Variants in LINGO2 observed in about 807,000 individuals in gnomAD.
The protein encoded by LINGO2 is leucine rich repeat and Ig domain containing 2, also known as leucine-rich repeat and immunoglobulin-like domain-containing nogo receptor-interacting protein 2.
Under a neutral mutation model 30.6 loss-of-function variants are expected in LINGO2, and 14 were observed. The ratio of observed to expected loss-of-function variants is 0.46; its 90% CI spans 0.30 to 0.72. LINGO2 has a LOEUF of 0.72. Ranked by LOEUF, LINGO2 falls within the 30% of genes least tolerant of loss-of-function variation. The pLI is 0.07. For synonymous variants in LINGO2, 317 were observed against 288.5 expected, an observed-to-expected ratio of 1.10 and a Z score of -1.00; for missense variants, 729 against 751.7, an observed-to-expected ratio of 0.97 and a Z score of 0.35.
intron 4 of LINGO2, among the ~76,000 whole-genome samples, chr9:28,100,938 T>C (rs1433637468): frequency 6.6e-6 from 1 of 152,092 alleles, no homozygotes; most frequent in Non-Finnish European, 1.5e-5. Flanking sequence ...TAGAGGGTCA[T>C]TGCATCGGTC....
At chr9:28,595,169 A>T (rs113354438) in intron 1 of LINGO2, among the ~76,000 whole-genome samples, 193 of 152,240 alleles carry the variant, frequency 1.3e-3, no homozygotes, top group Admixed American at 6.3e-3. Flanking sequence ...ATAGGTGAGA[A>T]AAAACCCCTT....
chr9:28,162,368 G>C (rs1284092704), intron 4 of LINGO2, among the ~76,000 whole-genome samples: 1 of 152,126 alleles, frequency 6.6e-6, no homozygotes, highest in Non-Finnish European at 1.5e-5. Flanking sequence ...AAAGAAGATA[G>C]TTTTTCATGT....
the LINGO2 span, among the ~76,000 whole-genome samples, chr9:28,774,586 T>A: frequency 6.9e-6 from 1 of 144,600 alleles, no homozygotes; most frequent in African/African-American, 2.6e-5. Context: ...TTGTCAGCTC[T>A]GAACTTAAAA....
intron 4 of LINGO2, among the ~76,000 whole-genome samples, chr9:28,043,603 A>C (rs901605376): frequency 2.0e-5 from 3 of 152,190 alleles, no homozygotes; most frequent in African/African-American, 4.8e-5. Context: ...TTCTTTATGG[A>C]AAGTTTCAAA....
intron 4 of LINGO2, among the ~76,000 whole-genome samples, chr9:28,163,865 A>G (rs1342798019): frequency 6.6e-6 from 1 of 152,158 alleles, no homozygotes; most frequent in Non-Finnish European, 1.5e-5. Context: ...AATTGTTCAA[A>G]TGATTTAACT....
the LINGO2 span, among the ~76,000 whole-genome samples, chr9:28,750,507 A>G: frequency 6.6e-6 from 1 of 152,092 alleles, no homozygotes; most frequent in Non-Finnish European, 1.5e-5. Context: ...CTGGGCCCTC[A>G]GAGATCCTCA....
the LINGO2 span, among the ~76,000 whole-genome samples, chr9:28,947,133 A>C: frequency 6.6e-6 from 1 of 151,330 alleles, no homozygotes; most frequent in Non-Finnish European, 1.5e-5. Context: ...GTATCTATAT[A>C]TCTCTCTATA....
At chr9:27,998,675 G>T (rs1296352075) in intron 5 of LINGO2, among the ~76,000 whole-genome samples, 2 of 152,178 alleles carry the variant, frequency 1.3e-5, no homozygotes, top group Non-Finnish European at 2.9e-5. Flanking sequence ...CAGCTACTTG[G>T]GAGGTTTAGG....
At chr9:28,303,287 T>C (rs1824216725) in intron 3 of LINGO2, among the ~76,000 whole-genome samples, 1 of 152,192 alleles carries the variant, frequency 6.6e-6, no homozygotes, top group African/African-American at 2.4e-5. Context: ...CTCTGATTTT[T>C]ATTAGGAAGT....
At chr9:28,927,720 C>T in the LINGO2 span, among the ~76,000 whole-genome samples, 1 of 152,208 alleles carries the variant, frequency 6.6e-6, no homozygotes, top group Admixed American at 6.5e-5. Context: ...CTAACACCTG[C>T]TTAATGCTTG....
chr9:28,774,029 T>C, the LINGO2 span, among the ~76,000 whole-genome samples: 1 of 135,956 alleles, frequency 7.4e-6, no homozygotes, highest in Non-Finnish European at 1.6e-5. Context: ...CCAAATGTCA[T>C]TTTCTTTTTG....
chr9:28,952,619 A>C, the LINGO2 span, among the ~76,000 whole-genome samples: 6 of 152,084 alleles, frequency 3.9e-5, no homozygotes, highest in African/African-American at 1.4e-4. Context: ...GAACTCTTCC[A>C]CCACCACAGG....
the LINGO2 span, among the ~76,000 whole-genome samples, chr9:29,049,825 T>C: frequency 6.6e-6 from 1 of 151,630 alleles, no homozygotes; most frequent in African/African-American, 2.4e-5. Context: ...GGAGGAGAGG[T>C]GAGGATGGTT....
intron 2 of LINGO2, among the ~76,000 whole-genome samples, chr9:28,409,682 G>T (rs942438657): frequency 2.6e-5 from 4 of 151,510 alleles, no homozygotes; most frequent in Non-Finnish European, 5.9e-5. Context: ...AAAAGGAAAA[G>T]AGAGCATCAG....
chr9:28,160,378 A>C (rs1828251319), intron 4 of LINGO2, among the ~76,000 whole-genome samples: 1 of 152,186 alleles, frequency 6.6e-6, no homozygotes, highest in African/African-American at 2.4e-5. Flanking sequence ...AAAGGGGAGA[A>C]ACTGAAAAAA....
At chr9:28,092,317 C>G (rs1309158877) in intron 4 of LINGO2, among the ~76,000 whole-genome samples, 2 of 151,922 alleles carry the variant, frequency 1.3e-5, no homozygotes. Flanking sequence ...CAATGATAGA[C>G]TGGATTAAGA....
chr9:28,634,478 TTTTTTTC>T (rs1351186418), intron 1 of LINGO2, among the ~76,000 whole-genome samples: 1 of 136,488 alleles, frequency 7.3e-6, no homozygotes, highest in African/African-American at 3.0e-5. Flanking sequence ...CTTTCTTTTC[TTTTTTTC>T]TTTTTTTTTT....
At chr9:28,040,846 A>C (rs984293706) in intron 4 of LINGO2, among the ~76,000 whole-genome samples, 4 of 152,170 alleles carry the variant, frequency 2.6e-5, no homozygotes, top group African/African-American at 9.7e-5. Context: ...TTTCCCACTA[A>C]AAAATATACT....
chr9:28,129,784 A>G lies in LINGO2; in HGVS notation c.-86-117379T>C, dbSNP rs1258870956. 1 of 152,202 alleles carries G rather than the reference A, an allele frequency of 6.6e-6. No homozygotes were observed. Among genetic ancestry groups the G allele is most frequent in the East Asian group, 1.9e-4 (1 of 5,198 alleles). 9.4% of individuals were successfully genotyped at this position (152,202 alleles called of 1,614,324 possible). A position where few individuals can be genotyped will look rare whatever the true frequency, so the allele number is the denominator to read the frequency against. ...GATTTGAAAACAATAACCTAGTCAT[A>G]AGCTTTTATTTTTTATATTGTTTAT... is the stretch of plus-strand genomic sequence containing the variant. On this transcript the variant is annotated intron_variant, in intron 4 of 5. Coordinates refer to ENST00000379992, the Ensembl canonical transcript of LINGO2. The surrounding 1 kb of genome is among the most constrained non-coding windows in gnomAD (Gnocchi z 4.0).
Sources: gnomAD v4.1 joint callset for allele counts (sites outside exome capture counted in the v4.1 genomes callset) on GRCh38, gnomAD v4.1.1 for gene constraint, Gnocchi (gnomAD v3.1) non-coding constraint, MANE v1.5 for transcripts, NCBI Gene and HGNC (gene_info 2026-07-23, HGNC 2026-07-21) for gene names.